GNA14: variants seen among roughly 807,000 people sequenced by gnomAD.
GNA14 encodes G protein subunit alpha 14, also known as guanine nucleotide-binding protein subunit alpha-14.
GNA14 carries 50 observed loss-of-function variants against 42.0 expected under a neutral mutation model. That is an observed-to-expected ratio of 1.19 (90% confidence interval 0.95 to 1.51). The LOEUF (loss-of-function observed/expected upper bound fraction) is 1.51, where lower values mean the gene tolerates loss of function less well. Ranked by LOEUF, GNA14 falls within the 40% of genes most tolerant of loss-of-function variation. GNA14 has a pLI of 0.00. For synonymous variants in GNA14, 173 were observed against 163.1 expected, an observed-to-expected ratio of 1.06 and a Z score of -0.46; for missense variants, 473 against 446.2, an observed-to-expected ratio of 1.06 and a Z score of -0.54.
At chr9:77,432,707 C>T (rs1178861396) in intron 3 of GNA14, among the ~76,000 whole-genome samples, 1 of 152,172 alleles carries the variant, frequency 6.6e-6, no homozygotes, top group Admixed American at 6.5e-5. Flanking sequence ...TAGCCACGCC[C>T]CTCGTCCATG....
chr9:77,527,360 A>G lies in GNA14; in HGVS notation c.309+1709T>C, dbSNP rs570324794. ...TGGCTCAGTGTGTGCCTCTCACCTTACTTCACACCAGATATACCATAGGCC... is the reference window on the plus strand; with the variant it reads ...TGGCTCAGTGTGTGCCTCTCACCTTGCTTCACACCAGATATACCATAGGCC... On this transcript the variant is annotated intron_variant, in intron 2 of 6. Transcript: ENST00000341700. Among the ~76,000 whole-genome samples the G allele has an allele frequency of 1.3e-4, 20 of 152,316 alleles. No individual in the cohort carries two copies. The South Asian group carries it at 4.1e-3, about 32-fold the overall frequency.
At chr9:77,426,542 G>A (rs761818513) in intron 5 of GNA14, among the ~76,000 whole-genome samples, 151 of 152,220 alleles carry the variant, frequency 9.9e-4, no homozygotes, top group Non-Finnish European at 1.6e-3. Context: ...CTGACCTCGC[G>A]ATCCGCCCGC....
At chr9:77,616,843 T>C (rs1188871042) in intron 1 of GNA14, among the ~76,000 whole-genome samples, 1 of 152,162 alleles carries the variant, frequency 6.6e-6, no homozygotes, top group Non-Finnish European at 1.5e-5. Flanking sequence ...TAGATAAAGA[T>C]GTTAAATCCC....
intron 2 of GNA14, among the ~76,000 whole-genome samples, chr9:77,476,496 G>A (rs547560693): frequency 3.0e-4 from 46 of 152,186 alleles, no homozygotes; most frequent in African/African-American, 1.1e-3. Context: ...GAGTGTAGAG[G>A]GTCCACATAT....
At chr9:77,546,902 C>T (rs958260593) in intron 1 of GNA14, among the ~76,000 whole-genome samples, 2 of 152,108 alleles carry the variant, frequency 1.3e-5, no homozygotes, top group Non-Finnish European at 2.9e-5. Context: ...AGGGCAGCCT[C>T]GGTTTATAAC....
chr9:77,477,773 G>C (rs1228613833), intron 2 of GNA14, among the ~76,000 whole-genome samples: 1 of 152,076 alleles, frequency 6.6e-6, no homozygotes, highest in African/African-American at 2.4e-5. Context: ...CCAAGAATCA[G>C]AGAAAAATCT....
At chr9:77,425,814 C>T (rs532772672) in intron 5 of GNA14, 99 bp from the exon 6 acceptor site, 9 of 921,370 alleles carry the variant, frequency 9.8e-6, no homozygotes, top group African/African-American at 5.1e-5. Flanking sequence ...CTTGCCCCGC[C>T]GCAGTCTCTG....
intron 2 of GNA14, chr9:77,456,582 G>C (rs757673371): frequency 1.3e-5 from 2 of 152,162 alleles, no homozygotes; most frequent in Non-Finnish European, 2.9e-5. Context: ...CTGACACCAA[G>C]ACCCAAAAGC....
At chr9:77,575,996 T>C (rs930687149) in intron 1 of GNA14, among the ~76,000 whole-genome samples, 9 of 152,232 alleles carry the variant, frequency 5.9e-5, no homozygotes, top group African/African-American at 1.7e-4. Context: ...GTGCTATCCA[T>C]GGTGCTGAAA....
intron 2 of GNA14, among the ~76,000 whole-genome samples, chr9:77,510,313 T>C (rs1837139976): frequency 6.6e-6 from 1 of 152,196 alleles, no homozygotes; most frequent in Admixed American, 6.5e-5. Context: ...TATTGAATAA[T>C]ATTCCAGTAT....
chr9:77,465,385 G>GA (rs1836204039), intron 2 of GNA14, among the ~76,000 whole-genome samples: 2 of 152,174 alleles, frequency 1.3e-5, no homozygotes, highest in Non-Finnish European at 2.9e-5. Context: ...TCCATTGTAG[G>GA]AAAATACCAC....
At chr9:77,643,877 TG>T (rs1307453032) in intron 1 of GNA14, among the ~76,000 whole-genome samples, 1 of 151,230 alleles carries the variant, frequency 6.6e-6, no homozygotes, top group East Asian at 2.0e-4. Context: ...AAAAACAGAG[TG>T]ATGATAGCTG....
At chr9:77,497,966 C>A (rs1836900188) in intron 2 of GNA14, among the ~76,000 whole-genome samples, 1 of 152,196 alleles carries the variant, frequency 6.6e-6, no homozygotes, top group Non-Finnish European at 1.5e-5. Context: ...ACTGAGTCCT[C>A]AGCCTCTAAA....
intron 1 of GNA14, among the ~76,000 whole-genome samples, chr9:77,635,495 T>A (rs1587856274): frequency 6.6e-6 from 1 of 152,228 alleles, no homozygotes; most frequent in South Asian, 2.1e-4. Flanking sequence ...TCAAATACTA[T>A]GTCAATAACT....
In GNA14 at chr9:77,523,035, C is replaced by A. The variant is rs567818254; in HGVS notation, c.309+6034G>T. ...AACTGGATTTTGAATGCAGCAAAAG[C>A]TTCTAATGGAAGAGTAAAATGCTTT... On this transcript the variant is annotated intron_variant, in intron 2 of 6. Coordinates refer to ENST00000341700, the MANE Select transcript of GNA14 (RefSeq NM_004297.4). Among the ~76,000 whole-genome samples, 36 of 152,288 alleles carry A rather than the reference C, an allele frequency of 2.4e-4. No homozygotes were observed. The South Asian group carries it at 6.8e-3, about 29-fold the overall frequency.
chr9:77,469,238 T>A (rs1836285469), intron 2 of GNA14, among the ~76,000 whole-genome samples: 1 of 151,814 alleles, frequency 6.6e-6, no homozygotes, highest in Non-Finnish European at 1.5e-5. Flanking sequence ...ATGTGCCCTA[T>A]CTTAGGGACA....
intron 6 of GNA14, 59 bp downstream of exon 6, chr9:77,425,503 A>C: frequency 2.2e-6 from 3 of 1,344,038 alleles, no homozygotes; most frequent in Non-Finnish European, 3.1e-6. Flanking sequence ...CTCTAGACTG[A>C]TGCCCGGGAG....
intron 2 of GNA14, among the ~76,000 whole-genome samples, chr9:77,450,903 A>G (rs1211107039): frequency 6.6e-6 from 1 of 152,048 alleles, no homozygotes; most frequent in African/African-American, 2.4e-5. Flanking sequence ...TTTCCCCTGC[A>G]CACACTGTCT....
chr9:77,538,849 G>A (rs1254530344), intron 1 of GNA14, among the ~76,000 whole-genome samples: 1 of 152,024 alleles, frequency 6.6e-6, no homozygotes, highest in African/African-American at 2.4e-5. Context: ...GGTTTTCCTA[G>A]GTATGAAATC....
Sources: allele counts gnomAD v4.1 joint callset (sites outside exome capture counted in the v4.1 genomes callset), GRCh38; gene constraint gnomAD v4.1.1; transcripts MANE v1.5; gene names NCBI Gene and HGNC (gene_info 2026-07-23, HGNC 2026-07-21).